C2CD3: variants seen among roughly 807,000 people sequenced by gnomAD.
The protein encoded by C2CD3 is C2 domain-containing protein 3.
Under a neutral mutation model 234.0 loss-of-function variants are expected in C2CD3, and 148 were observed. That is an observed-to-expected ratio of 0.63 (90% CI 0.55 to 0.72). The LOEUF (loss-of-function observed/expected upper bound fraction) is 0.72, where lower values mean the gene tolerates loss of function less well. Among genes scored for constraint, C2CD3 ranks in the 30% least tolerant of loss-of-function variants. The probability of loss-of-function intolerance (pLI) is 0.00; values close to 1 mark genes in which losing one functional copy is unlikely to be tolerated. For missense variants in C2CD3, 2,577 were observed against 2,811.5 expected (o/e 0.92, Z 1.89); for synonymous variants, 1,000 against 1,035.4 (o/e 0.97, Z 0.66).
intron 26 of C2CD3, among the ~76,000 whole-genome samples, chr11:74,053,565 G>C (rs964268576): frequency 2.6e-5 from 4 of 152,104 alleles, no homozygotes; most frequent in Non-Finnish European, 5.9e-5. Context: ...CATCCCTCTT[G>C]GGAAGGTTCT....
chr11:74,120,716 A>G lies in C2CD3; in HGVS notation c.1365+2272T>C, dbSNP rs150488628. Among the ~76,000 whole-genome samples, 30 of 152,346 alleles carry G rather than the reference A, an allele frequency of 2.0e-4. No homozygotes were observed. The East Asian group carries it at 5.6e-3, about 28-fold the overall frequency. ...AGGAATTGCCACATTGCCTTCCACA[A>G]TGGTTGAACTACTTTACATTCCCAC... On this transcript the variant is annotated intron_variant, in intron 8 of 32. Coordinates refer to ENST00000334126, the MANE Select transcript of C2CD3 (RefSeq NM_001286577.2).
intron 32 of C2CD3, among the ~76,000 whole-genome samples, chr11:74,021,048 T>C (rs77383126): frequency 0.024 from 3,725 of 152,258 alleles, 144 homozygotes; most frequent in African/African-American, 0.084. Context: ...ATTTTAAAGA[T>C]AGAGCTGCCA....
At chr11:74,161,667 T>C in intron 2 of C2CD3, 111 bp from the exon 3 acceptor site, 1 of 608,198 alleles carries the variant, frequency 1.6e-6, no homozygotes, top group Non-Finnish European at 2.7e-6. Flanking sequence ...AAAAAAAATA[T>C]TTTATGTTGG....
intron 29 of C2CD3, 74 bp downstream of exon 29, chr11:74,041,980 A>G: frequency 6.9e-7 from 1 of 1,458,868 alleles, no homozygotes; most frequent in East Asian, 2.3e-5. Context: ...GAAAAGCAGT[A>G]ATGCACATTG....
intron 30 of C2CD3, among the ~76,000 whole-genome samples, chr11:74,035,465 TAAG>T (rs1388527190): frequency 6.6e-6 from 1 of 152,194 alleles, no homozygotes; most frequent in Non-Finnish European, 1.5e-5. Context: ...AGGAAGCACT[TAAG>T]AATATGACAC....
intron 16 of C2CD3, 112 bp downstream of exon 16, chr11:74,097,897 G>T: frequency 9.4e-7 from 1 of 1,062,048 alleles, no homozygotes; most frequent in Non-Finnish European, 1.4e-6. Flanking sequence ...TGCACATTAT[G>T]TTCTTTTGTT....
chr11:74,102,965 G>A (rs1160245249), intron 14 of C2CD3, among the ~76,000 whole-genome samples, 166 bp downstream of exon 14: 1 of 152,170 alleles, frequency 6.6e-6, no homozygotes, highest in Non-Finnish European at 1.5e-5. Context: ...TGTTGACAAT[G>A]CCTTTCCCTC....
chr11:74,138,624 A>T lies in C2CD3; in HGVS notation c.955+96T>A, dbSNP rs889659362. The T allele has an allele frequency of 1.0e-5, 10 of 979,402 alleles. No individual in the cohort carries two copies. The East Asian group carries it at 1.7e-4, about 16-fold the overall frequency. The allele number at this position is 979,402 out of a possible 1,614,324, so 60.7% of individuals were successfully genotyped here. A position where few individuals can be genotyped will look rare whatever the true frequency, so the allele number is the denominator to read the frequency against. On this transcript the variant is annotated intron_variant, in intron 5 of 32. Transcript: ENST00000334126. ...TGCCTGTTTTTATTTGACTTAGTTC[A>T]AACAAGAGTCTTGGTTCTCTTTGTA...
intron 24 of C2CD3, among the ~76,000 whole-genome samples, chr11:74,065,259 G>A (rs943590496): frequency 1.3e-5 from 2 of 152,172 alleles, no homozygotes; most frequent in Non-Finnish European, 2.9e-5. Context: ...CAAAGGATAT[G>A]AACAGACACT....
chr11:74,069,204 C>A (rs1954684824), intron 24 of C2CD3, among the ~76,000 whole-genome samples: 1 of 152,206 alleles, frequency 6.6e-6, no homozygotes, highest in African/African-American at 2.4e-5. Context: ...CAGACACATT[C>A]CTTTTAGCCA....
At chr11:74,080,514 A>G (rs2135468444) in intron 22 of C2CD3, among the ~76,000 whole-genome samples, 1 of 152,292 alleles carries the variant, frequency 6.6e-6, no homozygotes, top group African/African-American at 2.4e-5. Context: ...TAGACACAAA[A>G]TTTCACGCCA....
At chr11:74,156,522 T>A (rs1162740537) in intron 3 of C2CD3, among the ~76,000 whole-genome samples, 11 of 149,928 alleles carry the variant, frequency 7.3e-5, no homozygotes, top group South Asian at 4.2e-4. Flanking sequence ...CTTGATTTTT[T>A]AAAAAAACTA....
rs1407828420 is a variant in C2CD3, at chr11:74,093,924, T to C, written c.3236A>G (p.His1079Arg). 2 of 1,613,810 alleles carry C rather than the reference T, an allele frequency of 1.2e-6. No homozygotes were observed. The highest frequency in any genetic ancestry group is 1.7e-5 in the Admixed American group (1 of 59,984). Residue 1079 changes from histidine (H) to arginine (R), a missense_variant, in exon 18 of 33, where the codon CAC (histidine) becomes CGC (arginine). Coordinates refer to ENST00000334126, the MANE Select transcript of C2CD3 (RefSeq NM_001286577.2). ...AACCTCAGCTGGCAACAGGAGAGAG[T>C]GATGGTGTTCACTATTAAAGATGGG... is the stretch of plus-strand genomic sequence containing the variant. ...PDPIFNSEHH[H>R]SLLLPAEVPV...
At chr11:74,118,517 G>C (rs1156255176) in intron 8 of C2CD3, 135 bp from the exon 9 acceptor site, 5 of 573,198 alleles carry the variant, frequency 8.7e-6, no homozygotes, top group Non-Finnish European at 1.5e-5. Flanking sequence ...ACACCAGGGA[G>C]ATAATCCCAT....
At chr11:74,015,169 G>A (rs953357554) in intron 32 of C2CD3, among the ~76,000 whole-genome samples, 1 of 152,208 alleles carries the variant, frequency 6.6e-6, no homozygotes. Flanking sequence ...TGCAGGGCAC[G>A]GCCTGGGTCT....
chr11:74,055,098 C>T (rs80272360), intron 25 of C2CD3, among the ~76,000 whole-genome samples: 1 of 152,152 alleles, frequency 6.6e-6, no homozygotes, highest in Non-Finnish European at 1.5e-5. Flanking sequence ...AGGCATGGCA[C>T]CACGTGTTTC....
In C2CD3 at chr11:74,092,557, C is replaced by T. The variant is rs1370578504; in HGVS notation, c.3376G>A (p.Val1126Ile). The change falls in exon 19 of 33, where the codon GTC (valine) becomes ATC (isoleucine). Residue 1126 changes from valine (V) to isoleucine (I), a missense_variant. Val to Ile is a conservative substitution (Grantham distance 29). Transcript: ENST00000334126. ...YYYPNVRDQKVAKGTLPLSRI... is the reference protein window; with the variant it reads ...YYYPNVRDQKIAKGTLPLSRI... The stretch of plus-strand genomic sequence containing the variant: ...GATAATGGCAAGGTTCCTTTGGCGA[C>T]CTTCTGGTCTCTCACATTAGGATAA... 1.2e-6 allele frequency: 2 copies of T among 1,613,748 alleles called. No homozygotes were observed. Among genetic ancestry groups the T allele is most frequent in the Non-Finnish European group, 8.5e-7 (1 of 1,179,874 alleles).
At chr11:74,123,705 C>T (rs1449460400) in intron 7 of C2CD3, among the ~76,000 whole-genome samples, 1 of 149,390 alleles carries the variant, frequency 6.7e-6, no homozygotes, top group Non-Finnish European at 1.5e-5. Flanking sequence ...GGAACAAATA[C>T]TCCTTTTTTT....
chr11:74,013,461 A>G lies in C2CD3; in HGVS notation c.6986T>C (p.Leu2329Pro), dbSNP rs557433398. The change falls in exon 33 of 33, where the codon CTC (leucine) becomes CCC (proline). Residue 2329 changes from leucine to proline, a missense_variant. Transcript: ENST00000334126. ...TTCTTCCTCAGGCAGGTTGAGGGGGAGCGAGTTAGGTCTGGGGCGACAAGG... is the reference window on the plus strand; with the variant it reads ...TTCTTCCTCAGGCAGGTTGAGGGGGGGCGAGTTAGGTCTGGGGCGACAAGG... ...QRPCRPRPNS[L>P]PLNLPEEETL... 11 of 1,429,148 alleles carry G rather than the reference A, an allele frequency of 7.7e-6. No homozygotes were observed. The highest frequency in any genetic ancestry group is 3.0e-5 in the South Asian group (2 of 67,396). 88.5% of individuals were successfully genotyped at this position (1,429,148 alleles called of 1,614,324 possible). A position where few individuals can be genotyped will look rare whatever the true frequency, so the allele number is the denominator to read the frequency against.
Sources: gnomAD v4.1 joint callset for allele counts (sites outside exome capture counted in the v4.1 genomes callset) on GRCh38, gnomAD v4.1.1 for gene constraint, MANE v1.5 for transcripts, NCBI Gene and HGNC (gene_info 2026-07-23, HGNC 2026-07-21) for gene names.